FAT3: variants seen among roughly 807,000 people sequenced by gnomAD.
The protein encoded by FAT3 is protocadherin Fat 3.
Under a neutral mutation model 310.2 loss-of-function variants are expected in FAT3, and 95 were observed. The ratio of observed to expected loss-of-function variants is 0.31; its 90% confidence interval spans 0.26 to 0.36. FAT3 has a LOEUF of 0.36. FAT3 is among the 10% of genes least tolerant of loss of function. FAT3 has a pLI of 1.00. For missense variants in FAT3, 5,408 were observed against 5,715.6 expected, an observed-to-expected ratio of 0.95 and a Z score of 1.74; for synonymous variants, 2,314 against 2,192.9, an observed-to-expected ratio of 1.06 and a Z score of -1.54.
chr11:92,469,256 C>T (rs1951849194), intron 2 of FAT3, among the ~76,000 whole-genome samples: 1 of 152,092 alleles, frequency 6.6e-6, no homozygotes, highest in Non-Finnish European at 1.5e-5. Context: ...GGAAAGATTG[C>T]TTCAAAGTAA....
At chr11:92,837,398 A>G (rs935822056) in intron 16 of FAT3, among the ~76,000 whole-genome samples, 1 of 152,298 alleles carries the variant, frequency 6.6e-6, no homozygotes, top group South Asian at 2.1e-4. Context: ...TGGCTGTCAT[A>G]ACTGGGCAGG....
intron 13 of FAT3, among the ~76,000 whole-genome samples, chr11:92,828,310 G>A (rs1023524095): frequency 6.6e-6 from 1 of 152,046 alleles, no homozygotes; most frequent in South Asian, 2.1e-4. Context: ...CCAAATTGGC[G>A]ACTATGCTTC....
intron 3 of FAT3, among the ~76,000 whole-genome samples, chr11:92,581,724 G>A (rs112962118): frequency 1.4e-3 from 209 of 149,658 alleles, no homozygotes; most frequent in South Asian, 4.6e-3. Flanking sequence ...ACATATACAC[G>A]TGTGTGTGTG....
intron 1 of FAT3, among the ~76,000 whole-genome samples, chr11:92,305,993 T>C (rs1180648468): frequency 6.6e-6 from 1 of 152,186 alleles, no homozygotes; most frequent in Admixed American, 6.6e-5. Flanking sequence ...TGTTAATATC[T>C]GGAAAAGCTG....
intron 3 of FAT3, among the ~76,000 whole-genome samples, chr11:92,621,492 G>A (rs1297319358): frequency 6.6e-6 from 1 of 152,172 alleles, no homozygotes; most frequent in South Asian, 2.1e-4. Flanking sequence ...TTTTGGAGGA[G>A]TTGGAGAAAA....
At chr11:92,624,717 G>A (rs538530839) in intron 3 of FAT3, among the ~76,000 whole-genome samples, 1 of 152,270 alleles carries the variant, frequency 6.6e-6, no homozygotes, top group Non-Finnish European at 1.5e-5. Flanking sequence ...TCTGGCTTGG[G>A]GGTGTTTTAG....
At chr11:92,254,326 A>G (rs1865234766) in intron 1 of FAT3, among the ~76,000 whole-genome samples, 1 of 152,194 alleles carries the variant, frequency 6.6e-6, no homozygotes, top group Non-Finnish European at 1.5e-5. Flanking sequence ...AGAAGGAGCC[A>G]AGATTCTGAA....
At chr11:92,441,397 A>G (rs1228165753) in intron 2 of FAT3, among the ~76,000 whole-genome samples, 2 of 152,224 alleles carry the variant, frequency 1.3e-5, no homozygotes, top group African/African-American at 4.8e-5. Context: ...CTTGCTTTCC[A>G]TAGTAATGAA....
At chr11:92,665,761 A>G (rs1942929041) in intron 3 of FAT3, among the ~76,000 whole-genome samples, 1 of 152,220 alleles carries the variant, frequency 6.6e-6, no homozygotes, top group Non-Finnish European at 1.5e-5. Context: ...TGATACTTCA[A>G]GAACTTTTAT....
At chr11:92,825,386 C>CA (rs761643500) in intron 13 of FAT3, among the ~76,000 whole-genome samples, 1 of 151,862 alleles carries the variant, frequency 6.6e-6, no homozygotes, top group Non-Finnish European at 1.5e-5. Context: ...AATGATAATG[C>CA]AAAAAATAGA....
chr11:92,726,569 A>G (rs1486913114), intron 4 of FAT3, among the ~76,000 whole-genome samples: 1 of 152,134 alleles, frequency 6.6e-6, no homozygotes, highest in East Asian at 1.9e-4. Flanking sequence ...ATGGAAAGAT[A>G]CTCAGATGCT....
chr11:92,544,481 C>T (rs1280132785), intron 3 of FAT3, among the ~76,000 whole-genome samples: 1 of 148,650 alleles, frequency 6.7e-6, no homozygotes, highest in Non-Finnish European at 1.5e-5. Context: ...AAAATATGTA[C>T]ATCTAATAAG....
intron 3 of FAT3, among the ~76,000 whole-genome samples, chr11:92,554,875 T>A (rs1954961410): frequency 6.6e-6 from 1 of 152,224 alleles, no homozygotes; most frequent in South Asian, 2.1e-4. Flanking sequence ...CTGCAGCTTC[T>A]GATCCTGCCG....
At chr11:92,615,165 ATTGT>A (rs751420334) in intron 3 of FAT3, among the ~76,000 whole-genome samples, 6 of 152,144 alleles carry the variant, frequency 3.9e-5, no homozygotes, top group African/African-American at 4.8e-5. Context: ...CTTTTTTAAG[ATTGT>A]TTGGGCTATT....
chr11:92,230,855 G>A (rs566230574), intron 1 of FAT3, among the ~76,000 whole-genome samples: 2 of 152,316 alleles, frequency 1.3e-5, no homozygotes, highest in Admixed American at 6.5e-5. Flanking sequence ...GTGAGGTGGA[G>A]TAAACTTTTA....
rs1948694561 is a variant in FAT3 at position 92,355,094 on chromosome 11, G to C, written c.2982G>C (p.Leu994Phe). 1 of 1,613,716 alleles carries C rather than the reference G, an allele frequency of 6.2e-7. No individual in the cohort carries two copies. Among genetic ancestry groups the C allele is most frequent in the Non-Finnish European group, 8.5e-7 (1 of 1,179,828 alleles). Residue 994 changes from leucine to phenylalanine, a missense_variant, in exon 2 of 28, where the codon TTG becomes TTC. Physicochemically the swap from Leu to Phe is conservative, Grantham distance 22 (BLOSUM62 0). This residue lies in a region of FAT3 where 4,588 missense variants were observed against 4,809.8 expected (regional missense o/e 0.95). Transcript: ENST00000525166. Reference sequence around the variant, plus strand: ...ATAAAGCAAGTGGTGCCATCCGCTTGAGCAAAGAGCTTGATTATGAGAAAC... The same window carrying C: ...ATAAAGCAAGTGGTGCCATCCGCTTCAGCAAAGAGCTTGATTATGAGAAAC... The part of the protein sequence containing the change: ...EIDKASGAIR[L>F]SKELDYEKQQ...
chr11:92,841,749 C>A (rs949088381), intron 18 of FAT3, among the ~76,000 whole-genome samples: 2 of 152,186 alleles, frequency 1.3e-5, no homozygotes, highest in South Asian at 4.1e-4. Flanking sequence ...CTCCCTCCCC[C>A]AGTCCCTTGT....
chr11:92,276,586 C>G (rs185875938), intron 1 of FAT3, among the ~76,000 whole-genome samples: 1 of 152,084 alleles, frequency 6.6e-6, no homozygotes, highest in Non-Finnish European at 1.5e-5. Flanking sequence ...TTTGCTATTG[C>G]CAGGGGAAGA....
intron 1 of FAT3, among the ~76,000 whole-genome samples, chr11:92,337,474 C>G (rs903064845): frequency 3.3e-5 from 5 of 152,162 alleles, no homozygotes; most frequent in Non-Finnish European, 7.3e-5. Context: ...TCTCATTGCC[C>G]AGGCTGGAGT....
Sources: gnomAD v4.1 joint callset for allele counts (sites outside exome capture counted in the v4.1 genomes callset) on GRCh38, gnomAD v4.1.1 for gene constraint, gnomAD v4.1.1 regional missense constraint, MANE v1.5 for transcripts, NCBI Gene and HGNC (gene_info 2026-07-23, HGNC 2026-07-21) for gene names.